Variants in CEP89 observed in about 807,000 individuals in gnomAD.
The protein encoded by CEP89 is centrosomal protein 89.
A neutral mutation model predicts 97.6 loss-of-function variants in CEP89; 95 were observed. The ratio of observed to expected loss-of-function variants is 0.97; its 90% CI spans 0.82 to 1.15. The LOEUF is 1.15. Among genes scored for constraint, CEP89 ranks in the 50% most tolerant of loss-of-function variants. CEP89 has a pLI of 0.00. For missense variants in CEP89, 869 were observed against 947.7 expected, an observed-to-expected ratio of 0.92 and a Z score of 1.09; for synonymous variants, 354 against 349.1, an observed-to-expected ratio of 1.01 and a Z score of -0.16.
chr19:32,913,841 G>T (rs1312469875), intron 14 of CEP89, among the ~76,000 whole-genome samples: 5 of 151,976 alleles, frequency 3.3e-5, no homozygotes, highest in Non-Finnish European at 7.4e-5. Context: ...GTTTCACCAG[G>T]TTGGCCAGGC....
intron 17 of CEP89, among the ~76,000 whole-genome samples, chr19:32,887,055 A>G (rs1969414075): frequency 6.7e-6 from 1 of 149,878 alleles, no homozygotes. Context: ...GCCAGACACC[A>G]TGGTGCTTGC....
At chr19:32,901,511 C>T (rs2145888835) in intron 14 of CEP89, 99 bp from the exon 15 acceptor site, 1 of 1,277,636 alleles carries the variant, frequency 7.8e-7, no homozygotes, top group African/African-American at 1.5e-5. Flanking sequence ...CCCAGCCCTC[C>T]AGCCCCTGGG....
chr19:32,937,722 T>G, intron 6 of CEP89, 49 bp from the exon 7 acceptor site: 1 of 1,392,946 alleles, frequency 7.2e-7, no homozygotes, highest in Non-Finnish European at 1.0e-6. Flanking sequence ...ATTAGTGTTT[T>G]ATAAAGTGGA....
At chr19:32,954,953 C>T (rs1971016355) in intron 3 of CEP89, among the ~76,000 whole-genome samples, 1 of 151,650 alleles carries the variant, frequency 6.6e-6, no homozygotes, top group South Asian at 2.1e-4. Flanking sequence ...GCCTGAGCCA[C>T]CATGCCTGGC....
chr19:32,922,374 T>A (rs763987026), intron 12 of CEP89, among the ~76,000 whole-genome samples: 2 of 151,546 alleles, frequency 1.3e-5, no homozygotes, highest in African/African-American at 2.4e-5. Flanking sequence ...AGACTCTGTA[T>A]CTACAAAAAA....
In CEP89 at chr19:32,926,192, T is replaced by G. The variant is rs563946570; in HGVS notation, c.1162A>C (p.Lys388Gln). 73 of 1,608,696 alleles carry G rather than the reference T, an allele frequency of 4.5e-5. 1 individual carries two copies. The South Asian group carries it at 7.0e-4, about 16-fold the overall frequency. The change falls in exon 11 of 19, where the codon AAG becomes CAG. Residue 388 changes from lysine to glutamine, a missense_variant and splice_region_variant. By Grantham distance (53) the Lys-to-Gln change is moderately conservative. Transcript: ENST00000305768. ...KEKDELNATL[K>Q]EEMRMFRMRV... ...TTCTGGGACATTTGCCAGCCTACCT[T>G]GAGGGTGGCATTGAGCTCGTCCTTC...
At chr19:32,907,942 T>G in intron 14 of CEP89, among the ~76,000 whole-genome samples, 1 of 147,080 alleles carries the variant, frequency 6.8e-6, no homozygotes, top group East Asian at 1.9e-4. Context: ...TAGATATGTT[T>G]AGATACACAA....
intron 14 of CEP89, among the ~76,000 whole-genome samples, chr19:32,907,383 A>C (rs2082424): frequency 0.9 from 137,077 of 151,868 alleles, 62,047 homozygotes; most frequent in African/African-American, 0.98. Flanking sequence ...GAATAAAGAT[A>C]ACACATTTTA....
intron 9 of CEP89, 154 bp downstream of exon 9, chr19:32,931,275 C>CA: frequency 1.6e-6 from 1 of 626,716 alleles, no homozygotes; most frequent in East Asian, 3.1e-5. Flanking sequence ...GGGAAGGAGG[C>CA]AAGAAACAGA....
rs1172586080 is a variant in CEP89, at chr19:32,902,024, G to C, written c.1566-612C>G. Among the ~76,000 whole-genome samples the C allele has an allele frequency of 5.3e-5, 8 of 151,024 alleles. 1 individual carries two copies. Among genetic ancestry groups the C allele is most frequent in the African/African-American group, 1.7e-4 (7 of 40,936 alleles). On this transcript the variant is annotated intron_variant, in intron 14 of 18. Transcript: ENST00000305768. ...TCTCTCTCTCTCTGTGTGTGTGTGT[G>C]TGTGTGTGTGTGTGTGTGTGTATGT...
chr19:32,952,903 C>CAAAA (rs34455504), intron 4 of CEP89, among the ~76,000 whole-genome samples: 11 of 48,702 alleles, frequency 2.3e-4, no homozygotes, highest in African/African-American at 5.3e-4. Flanking sequence ...GACTCTGTCT[C>CAAAA]AAAAAAAAAA....
intron 3 of CEP89, among the ~76,000 whole-genome samples, chr19:32,959,296 C>A (rs1445493236): frequency 6.6e-6 from 1 of 152,050 alleles, no homozygotes; most frequent in East Asian, 1.9e-4. Context: ...TCATCCCAGC[C>A]CCACAAAGAT....
At position 32,953,739 on chromosome 19, in the gene CEP89, T is replaced by A. The variant is rs568515610; in HGVS notation, c.368A>T (p.Tyr123Phe). Residue 123 changes from tyrosine (Y) to phenylalanine (F), a missense_variant, in exon 4 of 19, where the codon TAT becomes TTT. Transcript: ENST00000305768. ...SSLPSFETLD[Y>F]GDEEDIETQL... ...AGTTTCAATGTCCTCTTCGTCCCCA[T>A]AGTCCAGTGTTTCAAAGGATGGCAA... is the stretch of plus-strand genomic sequence containing the variant. 2.3e-5 allele frequency: 37 copies of A among 1,614,086 alleles called. No homozygotes were observed. In the South Asian group the frequency reaches 4.1e-4, roughly 18 times the overall value.
At chr19:32,917,717 G>A (rs565102928) in intron 13 of CEP89, 1 of 779,000 alleles carries the variant, frequency 1.3e-6, no homozygotes, top group East Asian at 1.3e-4. Context: ...TAGGGGTTGG[G>A]GGAATGCATG....
chr19:32,967,354 A>C (rs1971305562), intron 1 of CEP89, among the ~76,000 whole-genome samples: 2 of 152,182 alleles, frequency 1.3e-5, no homozygotes, highest in South Asian at 4.1e-4. Flanking sequence ...CGAGCCATTC[A>C]TTCACACCTA....
chr19:32,894,634 T>G (rs1969601389), intron 16 of CEP89, among the ~76,000 whole-genome samples: 1 of 152,232 alleles, frequency 6.6e-6, no homozygotes, highest in African/African-American at 2.4e-5. Context: ...AGGTTTTATA[T>G]GCTAATTATA....
rs541834732 is a variant in CEP89 at position 32,886,470 on chromosome 19, C to G, written c.1965+1282G>C. Among the ~76,000 whole-genome samples, 7 of 152,252 alleles carry G rather than the reference C, an allele frequency of 4.6e-5. No individual in the cohort carries two copies. The South Asian group carries it at 1.5e-3, about 32-fold the overall frequency. ...CTCAGTTCCCAGATCTCGTCACAGC[C>G]CCGGATTTCCAAGGTGATGTCCTCC... On this transcript the variant is annotated intron_variant, in intron 17 of 18. Transcript: ENST00000305768.
At chr19:32,886,283 C>T (rs1372922808) in intron 17 of CEP89, among the ~76,000 whole-genome samples, 1 of 152,202 alleles carries the variant, frequency 6.6e-6, no homozygotes, top group East Asian at 1.9e-4. Context: ...ATGAAGGCCT[C>T]TGAATTCCTC....
chr19:32,883,089 C>G (rs796481810), intron 17 of CEP89, among the ~76,000 whole-genome samples: 110 of 152,018 alleles, frequency 7.2e-4, no homozygotes, highest in African/African-American at 2.6e-3. Context: ...GTCTCAATCT[C>G]CTGACCTCGC....
Sources: gnomAD v4.1 joint callset for allele counts (sites outside exome capture counted in the v4.1 genomes callset) on GRCh38, gnomAD v4.1.1 for gene constraint, MANE v1.5 for transcripts, NCBI Gene and HGNC (gene_info 2026-07-23, HGNC 2026-07-21) for gene names.